Variants in PRKCQ observed in about 807,000 individuals in gnomAD.
The protein encoded by PRKCQ is protein kinase C theta type.
Under a neutral mutation model 91.2 loss-of-function variants are expected in PRKCQ, and 41 were observed. That is an observed-to-expected ratio of 0.45 (90% CI 0.35 to 0.58). The LOEUF (loss-of-function observed/expected upper bound fraction) is 0.58, where lower values mean the gene tolerates loss of function less well. Among genes scored for constraint, PRKCQ ranks in the 20% least tolerant of loss-of-function variants. The pLI is 0.00. For missense variants in PRKCQ, 673 were observed against 896.5 expected (o/e 0.75, Z 3.18); for synonymous variants, 307 against 316.9 (o/e 0.97, Z 0.33).
At chr10:6,482,612 C>A (rs1039464180) in intron 11 of PRKCQ, among the ~76,000 whole-genome samples, 2 of 152,116 alleles carry the variant, frequency 1.3e-5, no homozygotes, top group African/African-American at 4.8e-5. Context: ...TTTAAGCCAG[C>A]CAGTATGTGA....
At chr10:6,518,214 G>C (rs377181167) in intron 1 of PRKCQ, among the ~76,000 whole-genome samples, 1 of 152,080 alleles carries the variant, frequency 6.6e-6, no homozygotes, top group Non-Finnish European at 1.5e-5. Flanking sequence ...AGAAATATAT[G>C]CAATTGGTAT....
At position 6,448,455 on chromosome 10, in the gene PRKCQ, C is replaced by G. The variant is rs149271812; in HGVS notation, c.1648-6374G>C. On this transcript the variant is annotated intron_variant, in intron 15 of 17. Coordinates refer to ENST00000263125, the MANE Select transcript of PRKCQ (RefSeq NM_006257.5). ...GTCAGAGTCTCACTCTGTCACCAAGCTGGAGTGCAGTGGCACGATCTCGGC... is the reference window on the plus strand; with the variant it reads ...GTCAGAGTCTCACTCTGTCACCAAGGTGGAGTGCAGTGGCACGATCTCGGC... Among the ~76,000 whole-genome samples the G allele has an allele frequency of 8.6e-3, 1,302 of 151,924 alleles. 11 individuals are homozygous for G. The highest frequency in any genetic ancestry group is 0.02 in the Middle Eastern group (6 of 294).
chr10:6,515,349 G>C, intron 1 of PRKCQ: 5 of 1,475,560 alleles, frequency 3.4e-6, no homozygotes, highest in Non-Finnish European at 3.6e-6. Flanking sequence ...TTGCTGAGGG[G>C]AGAGGCTTTC....
chr10:6,467,408 AGAGAG>A (rs1835742274), intron 12 of PRKCQ, among the ~76,000 whole-genome samples: 2 of 125,442 alleles, frequency 1.6e-5, no homozygotes, highest in African/African-American at 5.9e-5. Context: ...AGAGAGAGAG[AGAGAG>A]AGAGAGAGAG....
Position 6,441,898 on chromosome 10 carries a change from C to A in PRKCQ, c.1831G>T (p.Val611Leu), listed in dbSNP as rs1040506959. Residue 611 changes from valine to leucine, a missense_variant, in exon 16 of 18, where the codon GTG becomes TTG. Transcript: ENST00000263125. ...WLEKEAKDLL[V>L]KLFVREPEKR... The stretch of plus-strand genomic sequence containing the variant: ...CTCTTGGCTTCGCTTCTTACCTTCA[C>A]CAGAAGGTCCTTTGCTTCCTTCTCC... The A allele has an allele frequency of 6.2e-7, 1 of 1,601,892 alleles. No homozygotes were observed. Among genetic ancestry groups the A allele is most frequent in the African/African-American group, 1.3e-5 (1 of 74,706 alleles).
At chr10:6,450,666 A>C (rs1218323955) in intron 15 of PRKCQ, among the ~76,000 whole-genome samples, 5 of 152,216 alleles carry the variant, frequency 3.3e-5, no homozygotes, top group Non-Finnish European at 7.3e-5. Context: ...AATTGACCAC[A>C]TAGTTGGAAG....
the PRKCQ span, among the ~76,000 whole-genome samples, chr10:6,419,051 C>T: frequency 6.6e-6 from 1 of 151,722 alleles, no homozygotes; most frequent in South Asian, 2.1e-4. Flanking sequence ...CCATCTATCT[C>T]TATCTATGTA....
downstream of PRKCQ, among the ~76,000 whole-genome samples, chr10:6,422,490 G>A (rs747185902): frequency 2.0e-5 from 3 of 152,120 alleles, no homozygotes; most frequent in African/African-American, 2.4e-5. Flanking sequence ...CATCAAACAG[G>A]CTTGGGATCT....
At chr10:6,400,077 A>T in the PRKCQ span, among the ~76,000 whole-genome samples, 80 of 152,354 alleles carry the variant, frequency 5.3e-4, no homozygotes, top group Middle Eastern at 3.4e-3. Context: ...GTCCAGGTGA[A>T]GAGCAGGAAC....
intron 1 of PRKCQ, among the ~76,000 whole-genome samples, chr10:6,535,553 T>G (rs899243371): frequency 6.6e-6 from 1 of 152,040 alleles, no homozygotes; most frequent in Non-Finnish European, 1.5e-5. Flanking sequence ...AAACCCCAAG[T>G]AAAAAGACCT....
rs1833991246 is a variant in PRKCQ at position 6,441,920 on chromosome 10, C to G, written c.1809G>C (p.Glu603Asp). ...TCACCAGAAGGTCCTTTGCTTCCTT[C>G]TCCAGCCACCGTGGGTAAAAGGGAT... ...MDNPFYPRWL[E>D]KEAKDLLVKL... is the part of the protein sequence containing the mutation. The change falls in exon 16 of 18, where the codon GAG becomes GAC. Residue 603 changes from glutamate to aspartate, a missense_variant. By Grantham distance (45) the Glu-to-Asp change is conservative. Transcript: ENST00000263125. The G allele has an allele frequency of 6.2e-7, 1 of 1,610,426 alleles. No individual in the cohort carries two copies. The highest frequency in any genetic ancestry group is 2.2e-5 in the East Asian group (1 of 44,782).
chr10:6,507,564 G>A, intron 3 of PRKCQ, 68 bp from the exon 4 acceptor site: 1 of 1,323,806 alleles, frequency 7.6e-7, no homozygotes, highest in South Asian at 1.2e-5. Context: ...TGACATCACT[G>A]GCTACTGACG....
intron 1 of PRKCQ, among the ~76,000 whole-genome samples, chr10:6,526,239 G>GT (rs1839192510): frequency 6.6e-6 from 1 of 152,004 alleles, no homozygotes; most frequent in Non-Finnish European, 1.5e-5. Context: ...TATGATTACA[G>GT]TATCCACGAT....
At chr10:6,412,742 T>C in the PRKCQ span, among the ~76,000 whole-genome samples, 1 of 152,240 alleles carries the variant, frequency 6.6e-6, no homozygotes, top group East Asian at 1.9e-4. Flanking sequence ...ATTAAATTCA[T>C]GATTGATTAG....
At chr10:6,456,837 C>G (rs2296123) in intron 14 of PRKCQ, 25 bp from the exon 15 acceptor site, 646,123 of 1,609,152 alleles carry the variant, frequency 0.4, 131,866 homozygotes, top group East Asian at 0.53. Flanking sequence ...TGAAGCAAAT[C>G]TCACATTAAT....
intron 15 of PRKCQ, among the ~76,000 whole-genome samples, chr10:6,448,533 T>C (rs1834453432): frequency 6.6e-6 from 1 of 151,990 alleles, no homozygotes; most frequent in South Asian, 2.1e-4. Context: ...CTCAGCCTCC[T>C]GAGCAGCTGG....
chr10:6,456,591 C>A, intron 15 of PRKCQ, 83 bp downstream of exon 15: 3 of 1,522,106 alleles, frequency 2.0e-6, no homozygotes, highest in South Asian at 2.6e-5. Flanking sequence ...TATTTAAAAC[C>A]TTCTGATTTT....
At chr10:6,565,847 T>C (rs1840817977) in intron 1 of PRKCQ, among the ~76,000 whole-genome samples, 1 of 152,242 alleles carries the variant, frequency 6.6e-6, no homozygotes, top group African/African-American at 2.4e-5. Flanking sequence ...TGCAAACTAA[T>C]ATTTACAAAG....
At chr10:6,561,798 T>C (rs1464514307) in intron 1 of PRKCQ, among the ~76,000 whole-genome samples, 1 of 152,192 alleles carries the variant, frequency 6.6e-6, no homozygotes, top group Non-Finnish European at 1.5e-5. Flanking sequence ...TCAGTACGTA[T>C]GTGTGTGGGT....
Sources: allele counts gnomAD v4.1 joint callset (sites outside exome capture counted in the v4.1 genomes callset), GRCh38; gene constraint gnomAD v4.1.1; transcripts MANE v1.5; gene names NCBI Gene and HGNC (gene_info 2026-07-23, HGNC 2026-07-21).